ASPG: variants seen among roughly 807,000 people sequenced by gnomAD.
The protein encoded by ASPG is 60 kDa lysophospholipase.
ASPG carries 53 observed loss-of-function variants against 63.2 expected under a neutral mutation model. That is an observed-to-expected ratio of 0.84 (90% CI 0.67 to 1.05). The LOEUF (loss-of-function observed/expected upper bound fraction) is 1.05. Ranked by LOEUF, ASPG falls within the 50% of genes least tolerant of loss-of-function variation. The pLI, the probability that ASPG is intolerant of heterozygous loss-of-function variation, is 0.00. For missense variants in ASPG, 741 were observed against 794.4 expected (o/e 0.93, Z 0.81); for synonymous variants, 370 against 355.0 (o/e 1.04, Z -0.48).
Position 104,107,212 on chromosome 14 carries a change from G to A in ASPG, c.1300G>A (p.Gly434Ser), listed in dbSNP as rs570105667. 38 of 1,593,084 alleles carry A rather than the reference G, an allele frequency of 2.4e-5. No individual in the cohort carries two copies. In the Admixed American group the frequency reaches 3.5e-4, roughly 15 times the overall value. Residue 434 changes from glycine to serine, a missense_variant, in exon 12 of 16, where the codon GGC becomes AGC. Coordinates refer to ENST00000551177, the MANE Select transcript of ASPG (RefSeq NM_001080464.3). Reference protein sequence around the residue: ...GSDLGLVDFNGQTPLHAAARG... With the variant: ...GSDLGLVDFNSQTPLHAAARG... ...TGACCTGGGCCTGGTGGACTTTAAC[G>A]GCCAAACCCCACTGCACGCGGCCGC...
Position 104,109,517 on chromosome 14 carries a change from T to C in ASPG, c.1520+202T>C, listed in dbSNP as rs1429248022. On this transcript the variant is annotated intron_variant, in intron 13 of 15. Coordinates refer to ENST00000551177, the MANE Select transcript of ASPG (RefSeq NM_001080464.3). This position sits in a 1 kb window ranked among gnomAD's most constrained non-coding sequence, Gnocchi z 4.8. The stretch of plus-strand genomic sequence containing the variant: ...CATGTCATGGGGCAGGGGAAGGAGT[T>C]GTTCTCAGCTGAGCGAACAGTCCAG... 1.3e-5 allele frequency among the ~76,000 whole-genome samples: 2 copies of C among 151,976 alleles called. No homozygotes were observed. The highest frequency in any genetic ancestry group is 2.4e-5 in the African/African-American group (1 of 41,342).
chr14:104,107,172 G>T lies in ASPG; in HGVS notation c.1270-10G>T. On this transcript the variant is annotated splice_polypyrimidine_tract_variant and intron_variant, in intron 11 of 15. Transcript: ENST00000551177. ...TCCCTCAGGGGTCGCATGTCCTTGT[G>T]TTACTCCAGGGCAGTGACCTGGGCC... 1 of 1,547,782 alleles carries T rather than the reference G, an allele frequency of 6.5e-7. No individual in the cohort carries two copies. Among genetic ancestry groups the T allele is most frequent in the Non-Finnish European group, 8.7e-7 (1 of 1,144,464 alleles).
intron 12 of ASPG, among the ~76,000 whole-genome samples, chr14:104,107,813 C>T (rs2037204098): frequency 6.6e-6 from 1 of 152,212 alleles, no homozygotes; most frequent in Non-Finnish European, 1.5e-5. Flanking sequence ...TGCCTGTGCC[C>T]CTGCGTGGGG....
chr14:104,104,980 G>A (rs2037058358), intron 9 of ASPG: 1 of 578,648 alleles, frequency 1.7e-6, no homozygotes, highest in South Asian at 2.2e-5. Flanking sequence ...CAGACTGCAT[G>A]GAGACCTGAG....
At chr14:104,097,947 G>GAGATGCGTATGGAGGTTATACC (rs2036682119) in intron 5 of ASPG, among the ~76,000 whole-genome samples, 1 of 126,922 alleles carries the variant, frequency 7.9e-6, no homozygotes, top group African/African-American at 3.0e-5. Flanking sequence ...GAGGTTCTGT[G>GAGATGCGTATGGAGGTTATACC]TTAGAGATGC....
chr14:104,108,682 C>A, intron 12 of ASPG: 1 of 985,448 alleles, frequency 1.0e-6, no homozygotes, highest in Non-Finnish European at 1.2e-6. Flanking sequence ...CTTGCTAGAG[C>A]CCCGACCCCA....
chr14:104,089,947 CAAAAAAA>C lies in ASPG; in HGVS notation c.83-2665_83-2659del, dbSNP rs58405958. On this transcript the variant is annotated intron_variant, in intron 1 of 15. Coordinates refer to ENST00000551177, the MANE Select transcript of ASPG (RefSeq NM_001080464.3). ...TGGGCAACAGAGTGAGACTCTGCCTCAAAAAAAAAAAAAAAAAAAAAAAAAAAGGAAG... is the reference window on the plus strand; with the variant it reads ...TGGGCAACAGAGTGAGACTCTGCCTCAAAAAAAAAAAAAAAAAAAAGGAAG... Among the ~76,000 whole-genome samples, 8 of 56,340 alleles carry C rather than the reference CAAAAAAA, an allele frequency of 1.4e-4. 1 individual carries two copies. Among genetic ancestry groups the C allele is most frequent in the African/African-American group, 2.6e-4 (3 of 11,616 alleles). The allele number at this position is 56,340 out of a possible 152,430, so 37.0% of individuals were successfully genotyped here. A position where few individuals can be genotyped will look rare whatever the true frequency, so the allele number is the denominator to read the frequency against.
intron 1 of ASPG, 24 bp downstream of exon 1, chr14:104,085,876 G>A (rs749677399): frequency 1.3e-6 from 2 of 1,570,032 alleles, no homozygotes; most frequent in Admixed American, 1.8e-5. Context: ...CCTGGGCGGG[G>A]TAGGCCTCTG....
Position 104,104,191 on chromosome 14 carries a change from G to T in ASPG, c.754-113G>T, listed in dbSNP as rs1337302316. On this transcript the variant is annotated intron_variant, in intron 7 of 15. Coordinates refer to ENST00000551177, the MANE Select transcript of ASPG (RefSeq NM_001080464.3). Reference sequence around the variant, plus strand: ...CCCCACTGTCCCGGGAGCAGAGCAGGCACCAGCTGCCCCTGGCTTGGGGTC... The same window carrying T: ...CCCCACTGTCCCGGGAGCAGAGCAGTCACCAGCTGCCCCTGGCTTGGGGTC... 1.5e-5 allele frequency: 19 copies of T among 1,233,994 alleles called. No homozygotes were observed. In the Middle Eastern group the frequency reaches 1.1e-3, roughly 74 times the overall value. The allele number at this position is 1,233,994 out of a possible 1,614,324, so 76.4% of individuals were successfully genotyped here.
At chr14:104,095,802 G>A in intron 4 of ASPG, 146 bp downstream of exon 4, 4 of 1,123,694 alleles carry the variant, frequency 3.6e-6, no homozygotes, top group Non-Finnish European at 5.0e-6. Flanking sequence ...CCCGTGCTGG[G>A]GCTCGCAAAT....
chr14:104,099,397 T>C (rs997225417), intron 6 of ASPG, among the ~76,000 whole-genome samples: 7 of 152,190 alleles, frequency 4.6e-5, no homozygotes, highest in African/African-American at 7.2e-5. Flanking sequence ...CCAGCCATCC[T>C]TGTGGGGCTG....
intron 1 of ASPG, among the ~76,000 whole-genome samples, chr14:104,087,612 C>T (rs2036254492): frequency 6.6e-6 from 1 of 152,184 alleles, no homozygotes; most frequent in Admixed American, 6.5e-5. Flanking sequence ...GAGCTGCCCC[C>T]GAGTGGGGAC....
chr14:104,085,968 G>A (rs150274927), intron 1 of ASPG, 116 bp downstream of exon 1: 2 of 984,388 alleles, frequency 2.0e-6, no homozygotes, highest in Non-Finnish European at 2.9e-6. Flanking sequence ...TGGATGGGGG[G>A]TGCGGGCTGA....
At chr14:104,102,990 G>T (rs1308410381) in intron 6 of ASPG, among the ~76,000 whole-genome samples, 1 of 152,212 alleles carries the variant, frequency 6.6e-6, no homozygotes, top group Non-Finnish European at 1.5e-5. Flanking sequence ...CAGAGGTGAG[G>T]GGTCCGAAAG....
At position 104,112,737 on chromosome 14, in the gene ASPG, G is replaced by A. The variant is rs2141069287; in HGVS notation, c.*193G>A. The A allele has an allele frequency of 1.5e-6, 2 of 1,319,884 alleles. 1 individual carries two copies. 81.8% of individuals were successfully genotyped at this position (1,319,884 alleles called of 1,614,324 possible). A position where few individuals can be genotyped will look rare whatever the true frequency, so the allele number is the denominator to read the frequency against. ...AGGTCTGTACAGCCTGGCTCTGAGA[G>A]GCTCTGTCTGGGTCCGGGACTGTGG... On this transcript the variant is annotated 3_prime_UTR_variant, in exon 16 of 16. Transcript: ENST00000551177.
At chr14:104,088,591 C>A (rs1228229337) in intron 1 of ASPG, among the ~76,000 whole-genome samples, 1 of 152,240 alleles carries the variant, frequency 6.6e-6, no homozygotes, top group East Asian at 1.9e-4. Flanking sequence ...GATCTGGGGC[C>A]AGGCAGCTGA....
At chr14:104,105,191 G>T (rs551599558) in intron 9 of ASPG, 137 bp from the exon 10 acceptor site, 2 of 1,389,420 alleles carry the variant, frequency 1.4e-6, no homozygotes, top group East Asian at 2.4e-5. Flanking sequence ...GCTCTGGCCC[G>T]AGGGATGAAG....
chr14:104,102,185 T>C (rs2036907177), intron 6 of ASPG, among the ~76,000 whole-genome samples: 1 of 151,964 alleles, frequency 6.6e-6, no homozygotes, highest in Non-Finnish European at 1.5e-5. Flanking sequence ...ACGCCCTCAG[T>C]TAAAGGGCAT....
Position 104,093,524 on chromosome 14 carries a change from C to T in ASPG, c.225C>T (p.Thr75=), listed in dbSNP as rs368889628. 18 of 1,612,806 alleles carry T rather than the reference C, an allele frequency of 1.1e-5. No homozygotes were observed. Among genetic ancestry groups the T allele is most frequent in the South Asian group, 2.2e-5 (2 of 91,080 alleles). ...GCCGCAACCAGAGGATTCTCTACACCGTGCTGGAGTGCCAGCCCCTCTTCG... is the reference window on the plus strand; with the variant it reads ...GCCGCAACCAGAGGATTCTCTACACTGTGCTGGAGTGCCAGCCCCTCTTCG... The part of the protein sequence containing the change: ...PASRNQRILY[T]VLECQPLFDS... Residue 75 remains threonine, a synonymous_variant, in exon 3 of 16, where the codon ACC becomes ACT. Coordinates refer to ENST00000551177, the MANE Select transcript of ASPG (RefSeq NM_001080464.3).
Sources: allele counts gnomAD v4.1 joint callset (sites outside exome capture counted in the v4.1 genomes callset), GRCh38; gene constraint gnomAD v4.1.1; non-coding constraint Gnocchi (gnomAD v3.1); transcripts MANE v1.5; gene names NCBI Gene and HGNC (gene_info 2026-07-23, HGNC 2026-07-21).